The following FSTL5 variants were observed in gnomAD, a reference collection of about 807,000 sequenced individuals.
FSTL5 encodes the protein follistatin-related protein 5.
FSTL5 carries 62 observed loss-of-function variants against 89.1 expected under a neutral mutation model. That is an observed-to-expected ratio of 0.70 (90% confidence interval 0.57 to 0.86). The LOEUF is 0.86. Ranked by LOEUF, FSTL5 falls within the 40% of genes least tolerant of loss-of-function variation. The pLI, the probability that FSTL5 is intolerant of heterozygous loss-of-function variation, is 0.00. For missense variants in FSTL5, 1,057 were observed against 1,001.6 expected (o/e 1.06, Z -0.75); for synonymous variants, 383 against 346.2 (o/e 1.11, Z -1.18).
chr4:161,654,956 G>T (rs1422793416), intron 7 of FSTL5, among the ~76,000 whole-genome samples: 1 of 152,084 alleles, frequency 6.6e-6, no homozygotes, highest in Non-Finnish European at 1.5e-5. Context: ...TGTTTTGGTT[G>T]CACTTTTGAA....
At chr4:161,674,704 A>T (rs1006737640) in intron 6 of FSTL5, among the ~76,000 whole-genome samples, 1 of 152,172 alleles carries the variant, frequency 6.6e-6, no homozygotes, top group African/African-American at 2.4e-5. Context: ...CGTAGTGACC[A>T]TGCTAGGAGT....
chr4:162,063,986 A>G (rs1327952712), intron 2 of FSTL5, among the ~76,000 whole-genome samples: 1 of 152,030 alleles, frequency 6.6e-6, no homozygotes, highest in Non-Finnish European at 1.5e-5. Context: ...AAACATGTGA[A>G]GAAATACACT....
chr4:161,692,769 G>C (rs1033376208), intron 6 of FSTL5, among the ~76,000 whole-genome samples: 5 of 151,982 alleles, frequency 3.3e-5, no homozygotes, highest in African/African-American at 1.2e-4. Context: ...CTGTCTCCAG[G>C]GTGGAGTGCA....
At chr4:161,737,777 T>G (rs1428413681) in intron 6 of FSTL5, among the ~76,000 whole-genome samples, 3 of 151,300 alleles carry the variant, frequency 2.0e-5, no homozygotes, top group Admixed American at 2.0e-4. Flanking sequence ...CCCCATTTAT[T>G]GTGTAGATTT....
chr4:161,907,475 G>A (rs946245783), intron 4 of FSTL5, among the ~76,000 whole-genome samples: 1 of 152,098 alleles, frequency 6.6e-6, no homozygotes, highest in African/African-American at 2.4e-5. Flanking sequence ...CTGCCTTTGG[G>A]AGTAGATACA....
chr4:162,004,572 C>A (rs1483550), intron 3 of FSTL5, among the ~76,000 whole-genome samples: 33,161 of 152,058 alleles, frequency 0.22, 3,912 homozygotes, highest in East Asian at 0.43. Flanking sequence ...AGATGCTTAT[C>A]ATTTAGAACT....
At chr4:161,690,437 G>A (rs1484025215) in intron 6 of FSTL5, among the ~76,000 whole-genome samples, 1 of 151,906 alleles carries the variant, frequency 6.6e-6, no homozygotes, top group Non-Finnish European at 1.5e-5. Context: ...TATGCTTGTT[G>A]ACTATTTGCA....
Position 161,779,779 on chromosome 4 carries a change from A to G in FSTL5, c.410-3705T>C, listed in dbSNP as rs1275864395. 7.3e-4 allele frequency among the ~76,000 whole-genome samples: 42 copies of G among 57,430 alleles called. 1 individual carries two copies. Among genetic ancestry groups the G allele is most frequent in the Non-Finnish European group, 9.5e-4 (33 of 34,604 alleles). 37.7% of individuals were successfully genotyped at this position (57,430 alleles called of 152,430 possible). A position where few individuals can be genotyped will look rare whatever the true frequency, so the allele number is the denominator to read the frequency against. On this transcript the variant is annotated intron_variant, in intron 4 of 15. Transcript: ENST00000306100. ...TAAAGTTATATATATATATATGTATATATATATATATATATATATATATAT... is the reference window on the plus strand; with the variant it reads ...TAAAGTTATATATATATATATGTATGTATATATATATATATATATATATAT...
intron 2 of FSTL5, among the ~76,000 whole-genome samples, chr4:162,041,515 T>C (rs932636852): frequency 4.6e-5 from 7 of 152,160 alleles, no homozygotes; most frequent in African/African-American, 1.2e-4. Flanking sequence ...GGAAAAGTTA[T>C]AGAGTGTCAG....
At chr4:161,753,239 A>T (rs1322044897) in intron 6 of FSTL5, among the ~76,000 whole-genome samples, 1 of 152,140 alleles carries the variant, frequency 6.6e-6, no homozygotes. Context: ...TGTATTTTTT[A>T]AAAATATACC....
intron 1 of FSTL5, among the ~76,000 whole-genome samples, chr4:162,146,829 C>T (rs1009897622): frequency 2.7e-5 from 4 of 150,900 alleles, no homozygotes; most frequent in African/African-American, 4.9e-5. Flanking sequence ...CTCTGTTGCC[C>T]GGGAGTGCAG....
chr4:161,762,848 C>G (rs1740854686), intron 5 of FSTL5, among the ~76,000 whole-genome samples: 1 of 151,966 alleles, frequency 6.6e-6, no homozygotes, highest in African/African-American at 2.4e-5. Context: ...TTATATGAAT[C>G]TTGGGCCCTC....
At chr4:161,770,655 C>T (rs1741176700) in intron 5 of FSTL5, among the ~76,000 whole-genome samples, 1 of 151,672 alleles carries the variant, frequency 6.6e-6, no homozygotes, top group African/African-American at 2.4e-5. Context: ...ACAACGTTTT[C>T]ATTATTTTTA....
chr4:161,860,453 A>C (rs1296832935), intron 4 of FSTL5, among the ~76,000 whole-genome samples: 1 of 152,224 alleles, frequency 6.6e-6, no homozygotes, highest in Non-Finnish European at 1.5e-5. Context: ...TGAAGAATTC[A>C]AAGGTAATAG....
chr4:161,390,256 A>C (rs1332442291), intron 15 of FSTL5, among the ~76,000 whole-genome samples: 2 of 152,142 alleles, frequency 1.3e-5, no homozygotes, highest in African/African-American at 4.8e-5. Flanking sequence ...CGGCTTACCC[A>C]AGAATTTTTG....
At chr4:161,884,145 G>T (rs1579166989) in intron 4 of FSTL5, among the ~76,000 whole-genome samples, 1 of 152,016 alleles carries the variant, frequency 6.6e-6, no homozygotes, top group East Asian at 1.9e-4. Flanking sequence ...AGCCTCCTGG[G>T]TTCAAGTGAT....
In FSTL5 at chr4:162,033,627, T is replaced by C. The variant is rs1235283485; in HGVS notation, c.158A>G (p.Lys53Arg). The C allele has an allele frequency of 7.4e-6, 11 of 1,486,462 alleles. No homozygotes were observed. The highest frequency in any genetic ancestry group is 1.0e-5 in the Non-Finnish European group (11 of 1,085,184). 92.1% of individuals were successfully genotyped at this position (1,486,462 alleles called of 1,614,324 possible). A position where few individuals can be genotyped will look rare whatever the true frequency, so the allele number is the denominator to read the frequency against. The change falls in exon 3 of 16, where the codon AAA (lysine) becomes AGA (arginine). Residue 53 changes from lysine (K) to arginine (R), a missense_variant and splice_region_variant. Transcript: ENST00000306100. ...ATCTTAAAGCAATCATTTCTTACCT[T>C]TGACTCTTGAACTTTCTTGATTTTT... ...QEKNQESSRV[K>R]GFMIQDGPFG... is the part of the protein sequence containing the mutation.
chr4:161,756,545 A>C (rs566053331), intron 6 of FSTL5, among the ~76,000 whole-genome samples: 178 of 152,170 alleles, frequency 1.2e-3, no homozygotes, highest in African/African-American at 4.1e-3. Flanking sequence ...ATCTTTATTA[A>C]AACTTTTTAT....
chr4:161,415,725 GATATATATATGTATGATATATATACAC>G (rs1731753281), intron 15 of FSTL5, among the ~76,000 whole-genome samples: 1 of 145,554 alleles, frequency 6.9e-6, no homozygotes, highest in African/African-American at 2.5e-5. Context: ...ATATATGGGA[GATATATATATGTATGATATATATACAC>G]ATATATATCA....
Sources: gnomAD v4.1 joint callset for allele counts (sites outside exome capture counted in the v4.1 genomes callset) on GRCh38, gnomAD v4.1.1 for gene constraint, MANE v1.5 for transcripts, NCBI Gene and HGNC (gene_info 2026-07-23, HGNC 2026-07-21) for gene names.